Variants in CYRIA observed in about 807,000 individuals in gnomAD.
CYRIA encodes CYFIP-related Rac1 interactor A.
CYRIA carries 15 observed loss-of-function variants against 43.9 expected under a neutral mutation model. That is an observed-to-expected ratio of 0.34 (90% CI 0.23 to 0.53). CYRIA has a LOEUF of 0.53. CYRIA is among the 20% of genes least tolerant of loss of function. The probability of loss-of-function intolerance (pLI) is 0.94; values close to 1 mark genes in which losing one functional copy is unlikely to be tolerated. For missense variants in CYRIA, 236 were observed against 394.2 expected (o/e 0.60, Z 3.40); for synonymous variants, 117 against 136.0 (o/e 0.86, Z 0.97).
At chr2:16,579,200 T>TA (rs1184622402) in intron 3 of CYRIA, among the ~76,000 whole-genome samples, 5 of 152,132 alleles carry the variant, frequency 3.3e-5, no homozygotes, top group African/African-American at 1.2e-4. Context: ...AAGTATCCTT[T>TA]AAAAATGAAA....
chr2:16,606,389 T>C (rs1668398066), intron 2 of CYRIA, among the ~76,000 whole-genome samples: 1 of 144,934 alleles, frequency 6.9e-6, no homozygotes. Flanking sequence ...CCTTTCTCTC[T>C]CTCCAGTCTC....
chr2:16,639,193 T>C (rs1035424395), intron 1 of CYRIA, among the ~76,000 whole-genome samples: 1 of 152,208 alleles, frequency 6.6e-6, no homozygotes, highest in Non-Finnish European at 1.5e-5. Flanking sequence ...TCGTCTCCCA[T>C]GTTCTGGGCT....
intron 2 of CYRIA, among the ~76,000 whole-genome samples, chr2:16,613,647 C>A (rs1301153086): frequency 2.0e-5 from 3 of 151,922 alleles, no homozygotes; most frequent in African/African-American, 7.3e-5. Flanking sequence ...CACTAAGGGG[C>A]ATTATCATCT....
At chr2:16,609,147 A>AAAT (rs1668507749) in intron 2 of CYRIA, among the ~76,000 whole-genome samples, 1 of 152,230 alleles carries the variant, frequency 6.6e-6, no homozygotes, top group Admixed American at 6.5e-5. Flanking sequence ...TAGATCTCAC[A>AAAT]GAGGCGGCTG....
intron 1 of CYRIA, among the ~76,000 whole-genome samples, chr2:16,664,637 C>G (rs980658478): frequency 6.6e-6 from 1 of 152,224 alleles, no homozygotes; most frequent in African/African-American, 2.4e-5. Flanking sequence ...GCTGCCCCAG[C>G]ACAAGTCCCA....
At chr2:16,638,461 C>T (rs1669569576) in intron 1 of CYRIA, among the ~76,000 whole-genome samples, 1 of 152,148 alleles carries the variant, frequency 6.6e-6, no homozygotes, top group Non-Finnish European at 1.5e-5. Flanking sequence ...GAATTCCATG[C>T]ACCACTAAGG....
chr2:16,642,979 C>A (rs75365191), intron 1 of CYRIA, among the ~76,000 whole-genome samples: 4,523 of 150,034 alleles, frequency 0.03, 115 homozygotes, highest in Non-Finnish European at 0.044. Flanking sequence ...TCCTTTATTA[C>A]CTTACCTTAA....
chr2:16,558,966 C>A (rs995199918), intron 10 of CYRIA, among the ~76,000 whole-genome samples: 3 of 152,056 alleles, frequency 2.0e-5, no homozygotes, highest in Admixed American at 6.5e-5. Flanking sequence ...GCTCTCTCGG[C>A]AAGAGAAAGG....
chr2:16,658,311 C>G (rs936623447), intron 1 of CYRIA, among the ~76,000 whole-genome samples: 2 of 152,110 alleles, frequency 1.3e-5, no homozygotes, highest in Non-Finnish European at 2.9e-5. Flanking sequence ...ATTTCCCACC[C>G]AGAGAAACAA....
intron 1 of CYRIA, among the ~76,000 whole-genome samples, chr2:16,644,540 G>T (rs1007752589): frequency 1.3e-4 from 20 of 152,140 alleles, no homozygotes; most frequent in Non-Finnish European, 1.5e-5. Flanking sequence ...ACTGTTGCTG[G>T]GGCTTAACTA....
Position 16,565,671 on chromosome 2 carries a change from T to G in CYRIA, c.167A>C (p.Lys56Thr). The change falls in exon 4 of 12, where the codon AAA becomes ACA. Residue 56 changes from lysine to threonine, a missense_variant. By Grantham distance (78) the Lys-to-Thr change is moderately conservative. Around this residue, in one of 3 missense-constraint regions of CYRIA, gnomAD observed 193 missense variants for 303.9 expected, o/e 0.64. Coordinates refer to ENST00000381323, the MANE Select transcript of CYRIA (RefSeq NM_030797.4). ...ESILADLQAY[K>T]GAGPEIRDAI... ...ATCTCGGATCTCTGGGCCTGCGCCT[T>G]TGTAAGCCTGCAGGTCTGCAAGGAT... 1 of 1,584,900 alleles carries G rather than the reference T, an allele frequency of 6.3e-7. No homozygotes were observed. Among genetic ancestry groups the G allele is most frequent in the Non-Finnish European group, 8.6e-7 (1 of 1,157,832 alleles).
At chr2:16,625,997 C>G (rs965767891) in intron 1 of CYRIA, among the ~76,000 whole-genome samples, 3 of 152,126 alleles carry the variant, frequency 2.0e-5, no homozygotes, top group African/African-American at 7.2e-5. Flanking sequence ...GATCATCATT[C>G]TAAGACACCT....
intron 2 of CYRIA, among the ~76,000 whole-genome samples, chr2:16,592,099 T>C (rs767832943): frequency 6.6e-6 from 1 of 152,028 alleles, no homozygotes; most frequent in Non-Finnish European, 1.5e-5. Flanking sequence ...AAACCTGAAA[T>C]CTGAAACGCT....
At chr2:16,567,168 G>A (rs1179464495) in intron 3 of CYRIA, among the ~76,000 whole-genome samples, 4 of 152,284 alleles carry the variant, frequency 2.6e-5, no homozygotes, top group South Asian at 2.1e-4. Context: ...CATTTTGGGA[G>A]GCTGAGCCAG....
chr2:16,642,925 C>T (rs1669718002), intron 1 of CYRIA, among the ~76,000 whole-genome samples: 1 of 151,834 alleles, frequency 6.6e-6, no homozygotes. Context: ...CCATTTTTCC[C>T]ATTGACCTTT....
intron 1 of CYRIA, among the ~76,000 whole-genome samples, chr2:16,625,180 G>A (rs1000521495): frequency 3.9e-5 from 6 of 152,060 alleles, no homozygotes; most frequent in Non-Finnish European, 7.4e-5. Flanking sequence ...GCTTGTGGGG[G>A]AAGTAGGGGT....
At chr2:16,642,620 C>A (rs1669707383) in intron 1 of CYRIA, among the ~76,000 whole-genome samples, 1 of 150,582 alleles carries the variant, frequency 6.6e-6, no homozygotes, top group Non-Finnish European at 1.5e-5. Context: ...CAGCAGCACC[C>A]TTCATCAGAC....
chr2:16,665,659 G>C (rs1230512972), intron 1 of CYRIA, 121 bp downstream of exon 1: 1 of 151,444 alleles, frequency 6.6e-6, no homozygotes, highest in Admixed American at 6.6e-5. Context: ...GGGAGGAGAA[G>C]GATGGCAGGG....
intron 1 of CYRIA, among the ~76,000 whole-genome samples, chr2:16,639,820 G>A (rs569487099): frequency 2.8e-4 from 43 of 152,268 alleles, no homozygotes; most frequent in African/African-American, 9.1e-4. Context: ...CTGACACATA[G>A]ATGATATATT....
Sources: allele counts gnomAD v4.1 joint callset (sites outside exome capture counted in the v4.1 genomes callset), GRCh38; gene constraint gnomAD v4.1.1; regional missense constraint gnomAD v4.1.1; transcripts MANE v1.5; gene names NCBI Gene and HGNC (gene_info 2026-07-23, HGNC 2026-07-21).